PTPRO: variants seen among roughly 807,000 people sequenced by gnomAD.
PTPRO encodes the protein protein tyrosine phosphatase receptor type O.
PTPRO carries 62 observed loss-of-function variants against 145.2 expected under a neutral mutation model. The ratio of observed to expected loss-of-function variants is 0.43; its 90% CI spans 0.35 to 0.53. The LOEUF is 0.53. Among genes scored for constraint, PTPRO ranks in the 20% least tolerant of loss-of-function variants. The pLI, the probability that PTPRO is intolerant of heterozygous loss-of-function variation, is 0.01. For synonymous variants in PTPRO, 565 were observed against 514.7 expected, an observed-to-expected ratio of 1.10 and a Z score of -1.32; for missense variants, 1,345 against 1,482.7, an observed-to-expected ratio of 0.91 and a Z score of 1.53.
chr12:15,565,626 A>G lies in PTPRO; in HGVS notation c.2745A>G (p.Thr915=). ...ATGGTTTAAAGAAGAGGAAACTGAC[A>G]AAGTAAGTTTTTCTTACTATGTCAT... ...SKNGLKKRKL[T]NPVQLDDFDA... Residue 915 remains threonine (T), a splice_region_variant and synonymous_variant, in exon 18 of 27, where the codon ACA becomes ACG. Transcript: ENST00000281171. The G allele has an allele frequency of 1.4e-6, 2 of 1,450,638 alleles. No individual in the cohort carries two copies. Among genetic ancestry groups the G allele is most frequent in the Non-Finnish European group, 1.9e-6 (2 of 1,035,768 alleles). The allele number at this position is 1,450,638 out of a possible 1,614,324, so 89.9% of individuals were successfully genotyped here.
chr12:15,539,407 A>G (rs1943132522), intron 12 of PTPRO, among the ~76,000 whole-genome samples: 1 of 152,178 alleles, frequency 6.6e-6, no homozygotes, highest in Admixed American at 6.5e-5. Context: ...TACTAAAACT[A>G]TCAACCCATC....
At chr12:15,378,888 C>T (rs1015127557) in intron 1 of PTPRO, among the ~76,000 whole-genome samples, 21 of 151,822 alleles carry the variant, frequency 1.4e-4, no homozygotes, top group South Asian at 2.1e-4. Flanking sequence ...AGACATTTTT[C>T]GAAAGAAGAT....
intron 1 of PTPRO, among the ~76,000 whole-genome samples, chr12:15,473,280 C>G (rs1012860065): frequency 6.6e-6 from 1 of 152,138 alleles, no homozygotes; most frequent in Non-Finnish European, 1.5e-5. Flanking sequence ...AGTTCCAGTA[C>G]CCATCTTACT....
At chr12:15,585,294 T>C (rs1047897486) in intron 23 of PTPRO, among the ~76,000 whole-genome samples, 1 of 152,220 alleles carries the variant, frequency 6.6e-6, no homozygotes, top group Non-Finnish European at 1.5e-5. Flanking sequence ...TCTTAAATCC[T>C]CATGATGTTG....
Position 15,322,838 on chromosome 12 carries a change from C to G in PTPRO, c.75+37C>G. 1 of 1,592,778 alleles carries G rather than the reference C, an allele frequency of 6.3e-7. No homozygotes were observed. The highest frequency in any genetic ancestry group is 8.6e-7 in the Non-Finnish European group (1 of 1,169,220). On this transcript the variant is annotated intron_variant, in intron 1 of 26. Coordinates refer to ENST00000281171, the MANE Select transcript of PTPRO (RefSeq NM_030667.3). The surrounding 1 kb of genome is among the most constrained non-coding windows in gnomAD (Gnocchi z 6.3). ...CCTCCACCCCTTTTTCCCAGCGGTC[C>G]GGGCGGCAGCCGCGCTCCGGCGCCC...
chr12:15,341,252 A>G (rs1488140614), intron 1 of PTPRO, among the ~76,000 whole-genome samples: 1 of 152,090 alleles, frequency 6.6e-6, no homozygotes, highest in African/African-American at 2.4e-5. Context: ...TTTATTTTTT[A>G]GTTTGTCCAT....
At chr12:15,543,378 C>T (rs1336523020) in intron 12 of PTPRO, among the ~76,000 whole-genome samples, 2 of 152,204 alleles carry the variant, frequency 1.3e-5, no homozygotes, top group Non-Finnish European at 2.9e-5. Context: ...GAAACCCTCA[C>T]TGCAGTATTC....
chr12:15,490,309 G>A (rs1941974123), intron 2 of PTPRO, among the ~76,000 whole-genome samples: 1 of 152,106 alleles, frequency 6.6e-6, no homozygotes, highest in Admixed American at 6.6e-5. Context: ...CTTTTTCTAT[G>A]AAGGCTTAGA....
chr12:15,533,612 AT>A (rs1303316674), intron 12 of PTPRO, among the ~76,000 whole-genome samples: 1 of 152,164 alleles, frequency 6.6e-6, no homozygotes, highest in Non-Finnish European at 1.5e-5. Context: ...AAGTGAAATA[AT>A]ATCTTGCTTT....
At chr12:15,382,867 G>A (rs1431934439) in intron 1 of PTPRO, among the ~76,000 whole-genome samples, 2 of 152,094 alleles carry the variant, frequency 1.3e-5, no homozygotes, top group African/African-American at 2.4e-5. Context: ...TATTTATGGG[G>A]TACAGCGTTA....
At chr12:15,443,357 A>T (rs1178920005) in intron 1 of PTPRO, among the ~76,000 whole-genome samples, 1 of 152,192 alleles carries the variant, frequency 6.6e-6, no homozygotes, top group African/African-American at 2.4e-5. Flanking sequence ...CTGAAAATTG[A>T]TTAAAAATTT....
chr12:15,565,405 A>C, intron 17 of PTPRO, 188 bp from the exon 18 acceptor site: 2 of 496,830 alleles, frequency 4.0e-6, no homozygotes, highest in South Asian at 4.8e-5. Flanking sequence ...GTAGAGTTTT[A>C]AAAAATGAAT....
intron 1 of PTPRO, among the ~76,000 whole-genome samples, chr12:15,374,634 G>T (rs888099791): frequency 6.6e-6 from 1 of 152,022 alleles, no homozygotes; most frequent in Non-Finnish European, 1.5e-5. Flanking sequence ...GTATTCACAG[G>T]GCATTGTCAC....
rs1269111373 is a variant in PTPRO, at chr12:15,586,911, G to T, written c.3270G>T (p.Gln1090His). The change falls in exon 24 of 27, where the codon CAG becomes CAT. Residue 1090 changes from glutamine (Q) to histidine (H), a missense_variant. By Grantham distance (24) the Gln-to-His change is conservative. This residue lies in a region of PTPRO where 208 missense variants were observed against 242.8 expected (regional missense o/e 0.86). Coordinates refer to ENST00000281171, the MANE Select transcript of PTPRO (RefSeq NM_030667.3). ...HFRINYADEMQDVMHFNYTAW... is the reference protein window; with the variant it reads ...HFRINYADEMHDVMHFNYTAW... ...TTTCTCTAAAGGCTGACGAGATGCA[G>T]GATGTGATGCATTTTAACTACACTG... is the stretch of plus-strand genomic sequence containing the variant. The T allele has an allele frequency of 6.2e-7, 1 of 1,613,934 alleles. No homozygotes were observed. The highest frequency in any genetic ancestry group is 8.5e-7 in the Non-Finnish European group (1 of 1,179,980).
chr12:15,523,137 T>G (rs547096942), intron 10 of PTPRO, among the ~76,000 whole-genome samples: 1 of 152,228 alleles, frequency 6.6e-6, no homozygotes, highest in Non-Finnish European at 1.5e-5. Flanking sequence ...ATGAAACAAA[T>G]GCATTTTTAC....
intron 1 of PTPRO, among the ~76,000 whole-genome samples, chr12:15,402,125 C>T (rs1939511542): frequency 6.6e-6 from 1 of 152,170 alleles, no homozygotes; most frequent in Admixed American, 6.5e-5. Flanking sequence ...CACAGTGGCT[C>T]ATGCCTGTAA....
intron 15 of PTPRO, 56 bp downstream of exon 15, chr12:15,551,727 CAT>C: frequency 3.8e-6 from 6 of 1,575,274 alleles, no homozygotes; most frequent in Non-Finnish European, 4.3e-6. Context: ...CTTTATCTGC[CAT>C]ATATATATTG....
Position 15,524,705 on chromosome 12 carries a change from G to C in PTPRO, c.1892-109G>C, listed in dbSNP as rs942024815. The C allele has an allele frequency of 2.5e-6, 3 of 1,208,930 alleles. No individual in the cohort carries two copies. In the African/African-American group the frequency reaches 4.5e-5, roughly 18 times the overall value. 74.9% of individuals were successfully genotyped at this position (1,208,930 alleles called of 1,614,324 possible). On this transcript the variant is annotated intron_variant, in intron 10 of 26. Coordinates refer to ENST00000281171, the MANE Select transcript of PTPRO (RefSeq NM_030667.3). ...GAAGTTACCGGGACTATCGTGTGCT[G>C]TGAATTCTAATTCGCTAAGTTGACT...
intron 6 of PTPRO, among the ~76,000 whole-genome samples, chr12:15,506,436 C>T (rs1942322842): frequency 6.6e-6 from 1 of 152,144 alleles, no homozygotes; most frequent in East Asian, 1.9e-4. Context: ...CATATTTACA[C>T]TACTATAAAG....
Sources: gnomAD v4.1 joint callset for allele counts (sites outside exome capture counted in the v4.1 genomes callset) on GRCh38, gnomAD v4.1.1 for gene constraint, gnomAD v4.1.1 regional missense constraint, Gnocchi (gnomAD v3.1) non-coding constraint, MANE v1.5 for transcripts, NCBI Gene and HGNC (gene_info 2026-07-23, HGNC 2026-07-21) for gene names.